Variants in WDR72 observed in about 807,000 individuals in gnomAD.
WDR72 encodes the protein WD repeat-containing protein 72.
A neutral mutation model predicts 124.2 loss-of-function variants in WDR72; 120 were observed. That is an observed-to-expected ratio of 0.97 (90% CI 0.83 to 1.12). The LOEUF (loss-of-function observed/expected upper bound fraction) is 1.12. Ranked by LOEUF, WDR72 falls within the 50% of genes most tolerant of loss-of-function variation. WDR72 has a pLI of 0.00. For synonymous variants in WDR72, 452 were observed against 441.7 expected (o/e 1.02, Z -0.29); for missense variants, 1,387 against 1,278.8 (o/e 1.08, Z -1.29).
At chr15:53,557,974 G>C (rs1893990954) in intron 18 of WDR72, among the ~76,000 whole-genome samples, 2 of 152,094 alleles carry the variant, frequency 1.3e-5, no homozygotes, top group African/African-American at 4.8e-5. Context: ...GGTTATTGTA[G>C]TGAATAATGG....
chr15:53,663,955 A>G (rs2015692916), intron 14 of WDR72, among the ~76,000 whole-genome samples: 1 of 145,850 alleles, frequency 6.9e-6, no homozygotes, highest in Admixed American at 6.6e-5. Flanking sequence ...TAAAAACCTA[A>G]AGACAATGGA....
chr15:53,667,978 G>T (rs1161945580), intron 13 of WDR72, among the ~76,000 whole-genome samples: 1 of 152,014 alleles, frequency 6.6e-6, no homozygotes, highest in Non-Finnish European at 1.5e-5. Context: ...CATCTACTAT[G>T]CTACCATGTA....
In WDR72 at chr15:53,715,288, T is replaced by C. The variant is rs2017670927; in HGVS notation, c.419A>G (p.Asp140Gly). ...CGEYQDVLII[D>G]AKTLAVVHSF... ...GTGAACAACAGCCAAAGTTTTGGCA[T>C]CAATTATAAGGACATCTTGATATTC... Residue 140 changes from aspartate (D) to glycine (G), a missense_variant, in exon 5 of 20, where the codon GAT (aspartate) becomes GGT (glycine). Physicochemically the swap from Asp to Gly is moderately conservative, Grantham distance 94 (BLOSUM62 -1). Coordinates refer to ENST00000360509, the MANE Select transcript of WDR72 (RefSeq NM_182758.4). 6.2e-7 allele frequency: 1 copy of C among 1,614,012 alleles called. No individual in the cohort carries two copies. The highest frequency in any genetic ancestry group is 1.3e-5 in the African/African-American group (1 of 74,936).
In WDR72 at chr15:53,612,548, C is replaced by T. The variant is rs538998493; in HGVS notation, c.2872+1118G>A. On this transcript the variant is annotated intron_variant, in intron 16 of 19. Transcript: ENST00000360509. The stretch of plus-strand genomic sequence containing the variant: ...GCTAATGCAAAGGTCCTCAGACCTG[C>T]TTGTCATGCTTGGGTAAGAGTAAAA... 4.6e-4 allele frequency among the ~76,000 whole-genome samples: 70 copies of T among 151,826 alleles called. 1 individual carries two copies. Among genetic ancestry groups the T allele is most frequent in the African/African-American group, 1.7e-3 (70 of 41,260 alleles).
rs139311682 is a variant in WDR72, at chr15:53,739,246, G to C, written c.-12-6085C>G. ...AGTAAGCATCAAAAAAAAGTGAATC[G>C]GCAAAGAGAAAGGAGATCAAAAAGC... On this transcript the variant is annotated intron_variant, in intron 1 of 19. Coordinates refer to ENST00000360509, the MANE Select transcript of WDR72 (RefSeq NM_182758.4). Among the ~76,000 whole-genome samples the C allele has an allele frequency of 1.0e-3, 159 of 152,172 alleles. 1 individual carries two copies. The highest frequency in any genetic ancestry group is 8.7e-3 in the East Asian group (45 of 5,176).
intron 18 of WDR72, among the ~76,000 whole-genome samples, chr15:53,579,893 G>A (rs542248097): frequency 2.6e-5 from 4 of 152,254 alleles, no homozygotes; most frequent in African/African-American, 9.6e-5. Context: ...AACAGCTGGA[G>A]TAAGTCTAGT....
chr15:53,701,480 G>A (rs898217356), intron 12 of WDR72, among the ~76,000 whole-genome samples: 5 of 151,254 alleles, frequency 3.3e-5, no homozygotes, highest in Admixed American at 2.0e-4. Context: ...GGTTGAGGCT[G>A]CAGTGAGCCA....
intron 18 of WDR72, among the ~76,000 whole-genome samples, chr15:53,566,880 C>T (rs1894318852): frequency 6.6e-6 from 1 of 151,990 alleles, no homozygotes; most frequent in Non-Finnish European, 1.5e-5. Flanking sequence ...GTTACTGGAA[C>T]ATACCCACCA....
chr15:53,622,158 A>G (rs1451351518), intron 14 of WDR72, among the ~76,000 whole-genome samples: 1 of 151,568 alleles, frequency 6.6e-6, no homozygotes, highest in African/African-American at 2.4e-5. Context: ...AAATAGGAAC[A>G]GCTTTTACAC....
intron 1 of WDR72, among the ~76,000 whole-genome samples, chr15:53,738,461 T>C (rs1003512002): frequency 2.6e-5 from 4 of 152,178 alleles, no homozygotes; most frequent in Non-Finnish European, 5.9e-5. Context: ...TCAAAATTAA[T>C]ATACAGAGAA....
chr15:53,552,128 A>ATGTGTG (rs34039658), intron 18 of WDR72, among the ~76,000 whole-genome samples: 3,438 of 149,818 alleles, frequency 0.023, 111 homozygotes, highest in African/African-American at 0.071. Context: ...TATACCTATC[A>ATGTGTG]TGTGTGTGTG....
chr15:53,740,371 G>C (rs1347233672), intron 1 of WDR72, among the ~76,000 whole-genome samples: 2 of 149,276 alleles, frequency 1.3e-5, no homozygotes, highest in Non-Finnish European at 3.0e-5. Flanking sequence ...GCAGTGGCGC[G>C]ATCTCAGCTC....
chr15:53,711,628 C>G, intron 7 of WDR72, 147 bp from the exon 8 acceptor site: 1 of 915,486 alleles, frequency 1.1e-6, no homozygotes, highest in South Asian at 1.5e-5. Context: ...TGATATTTTA[C>G]CATGACTTAT....
chr15:53,660,977 T>C (rs927354668), intron 14 of WDR72, among the ~76,000 whole-genome samples: 4 of 152,142 alleles, frequency 2.6e-5, no homozygotes, highest in African/African-American at 9.7e-5. Flanking sequence ...CAGTAGACTG[T>C]CTAGATCATA....
At chr15:53,630,473 C>A (rs2140393379) in intron 14 of WDR72, among the ~76,000 whole-genome samples, 1 of 152,176 alleles carries the variant, frequency 6.6e-6, no homozygotes, top group East Asian at 1.9e-4. Flanking sequence ...AGAAAATATT[C>A]ACAAAGCAAA....
chr15:53,639,537 T>TAC (rs1217819577), intron 14 of WDR72, among the ~76,000 whole-genome samples: 24 of 146,322 alleles, frequency 1.6e-4, no homozygotes, highest in African/African-American at 5.9e-4. Flanking sequence ...TATAAAATTA[T>TAC]ATATAATTTT....
intron 14 of WDR72, among the ~76,000 whole-genome samples, chr15:53,621,041 A>G (rs1453768457): frequency 6.6e-6 from 1 of 152,116 alleles, no homozygotes; most frequent in African/African-American, 2.4e-5. Flanking sequence ...CAACAAACAT[A>G]TAAAAAATGC....
At chr15:53,574,759 T>C (rs560292620) in intron 18 of WDR72, among the ~76,000 whole-genome samples, 1 of 152,156 alleles carries the variant, frequency 6.6e-6, no homozygotes, top group African/African-American at 2.4e-5. Context: ...TTCCTCCATT[T>C]TTTCCTTCTA....
At chr15:53,713,168 T>A (rs1484917656) in intron 6 of WDR72, among the ~76,000 whole-genome samples, 1 of 136,330 alleles carries the variant, frequency 7.3e-6, no homozygotes, top group African/African-American at 2.7e-5. Flanking sequence ...AAAAAAAAAT[T>A]AAAAAATATA....
Sources: allele counts gnomAD v4.1 joint callset (sites outside exome capture counted in the v4.1 genomes callset), GRCh38; gene constraint gnomAD v4.1.1; transcripts MANE v1.5; gene names NCBI Gene and HGNC (gene_info 2026-07-23, HGNC 2026-07-21).